ALK: variants seen among roughly 807,000 people sequenced by gnomAD.
The protein encoded by ALK is ALK receptor tyrosine kinase, also known as ALK tyrosine kinase receptor.
Under a neutral mutation model 163.1 loss-of-function variants are expected in ALK, and 74 were observed. That is an observed-to-expected ratio of 0.45 (90% CI 0.38 to 0.55). ALK has a LOEUF of 0.55. Ranked by LOEUF, ALK falls within the 20% of genes least tolerant of loss-of-function variation. The probability of loss-of-function intolerance (pLI) is 0.00; values close to 1 mark genes in which losing one functional copy is unlikely to be tolerated. For missense variants in ALK, 2,063 were observed against 2,105.3 expected (o/e 0.98, Z 0.39); for synonymous variants, 960 against 843.2 (o/e 1.14, Z -2.40).
intron 1 of ALK, among the ~76,000 whole-genome samples, chr2:29,822,314 A>C (rs541849726): frequency 1.1e-3 from 169 of 152,328 alleles, no homozygotes; most frequent in African/African-American, 3.6e-3. Flanking sequence ...AGTTTATAGG[A>C]TCAGCCTAGA....
intron 3 of ALK, among the ~76,000 whole-genome samples, chr2:29,572,582 A>T (rs1052899840): frequency 6.6e-6 from 1 of 152,052 alleles, no homozygotes; most frequent in Non-Finnish European, 1.5e-5. Flanking sequence ...TGGTTATTAT[A>T]TTCTCATAGC....
chr2:29,772,587 A>G (rs945712332), intron 1 of ALK, among the ~76,000 whole-genome samples: 10 of 152,196 alleles, frequency 6.6e-5, no homozygotes, highest in African/African-American at 2.4e-4. Context: ...ATGGCAAATC[A>G]AGAAACAGCA....
At chr2:29,433,900 C>G (rs1193628827) in intron 4 of ALK, among the ~76,000 whole-genome samples, 1 of 152,134 alleles carries the variant, frequency 6.6e-6, no homozygotes, top group African/African-American at 2.4e-5. Flanking sequence ...TCACATCCAT[C>G]CTGTCTGCAA....
intron 4 of ALK, among the ~76,000 whole-genome samples, chr2:29,449,679 C>T (rs1298436580): frequency 6.6e-6 from 1 of 152,204 alleles, no homozygotes; most frequent in African/African-American, 2.4e-5. Context: ...TGTTCTGTCC[C>T]CCATCGCCTC....
At chr2:29,538,303 T>C (rs931852888) in intron 3 of ALK, among the ~76,000 whole-genome samples, 1 of 152,144 alleles carries the variant, frequency 6.6e-6, no homozygotes, top group Non-Finnish European at 1.5e-5. Context: ...GATTGGATCA[T>C]GGGGGCAAAT....
chr2:29,288,956 AAAT>A (rs547471426), intron 9 of ALK, among the ~76,000 whole-genome samples: 1 of 20,858 alleles, frequency 4.8e-5, no homozygotes, highest in Admixed American at 6.9e-4. Context: ...CTTCTCAAAA[AAAT>A]AAATAAATAA....
intron 3 of ALK, among the ~76,000 whole-genome samples, chr2:29,665,898 T>C (rs1468565781): frequency 6.6e-6 from 1 of 152,108 alleles, no homozygotes; most frequent in East Asian, 1.9e-4. Context: ...AACCTCCTCT[T>C]GTTCCTGAGA....
intron 19 of ALK, among the ~76,000 whole-genome samples, chr2:29,225,223 A>C (rs571265157): frequency 3.9e-5 from 6 of 152,146 alleles, no homozygotes; most frequent in Non-Finnish European, 7.4e-5. Flanking sequence ...AGCCAGGAGG[A>C]TACACACGGG....
At chr2:29,831,192 GGGAAGGGGAAGGGGAAGA>G (rs1665396195) in intron 1 of ALK, among the ~76,000 whole-genome samples, 1 of 60,806 alleles carries the variant, frequency 1.6e-5, no homozygotes, top group Non-Finnish European at 3.2e-5. Flanking sequence ...GAAGGGGAAG[GGGAAGGGGAAGGGGAAGA>G]GGAAGAGGAA....
chr2:29,778,176 C>T (rs1165546318), intron 1 of ALK, among the ~76,000 whole-genome samples: 1 of 152,186 alleles, frequency 6.6e-6, no homozygotes, highest in Non-Finnish European at 1.5e-5. Flanking sequence ...GCATTCACAG[C>T]ACAGGAAACA....
In ALK at chr2:29,197,535, G is replaced by A. The variant is rs896724137; in HGVS notation, c.4073+7C>T. On this transcript the variant is annotated splice_region_variant and intron_variant, in intron 27 of 28. Coordinates refer to ENST00000389048, the MANE Select transcript of ALK (RefSeq NM_004304.5). ...AACTAGCAGAAGTGTTCCTAAAAGA[G>A]TCATACACAGGCCCAGGGCAGTTCT... is the stretch of plus-strand genomic sequence containing the variant. The A allele has an allele frequency of 2.5e-6, 4 of 1,613,236 alleles. No homozygotes were observed. The African/African-American group carries it at 5.3e-5, about 22-fold the overall frequency.
intron 4 of ALK, among the ~76,000 whole-genome samples, chr2:29,517,729 C>T (rs1672709478): frequency 6.6e-6 from 1 of 152,226 alleles, no homozygotes. Context: ...TGCTTTTTCA[C>T]CAGTTCCAGA....
At chr2:29,775,604 T>C (rs964220312) in intron 1 of ALK, among the ~76,000 whole-genome samples, 2 of 152,074 alleles carry the variant, frequency 1.3e-5, no homozygotes, top group African/African-American at 4.8e-5. Context: ...TTTATACCTT[T>C]AGGGCAGTGC....
At chr2:29,504,191 C>G (rs1363346639) in intron 4 of ALK, among the ~76,000 whole-genome samples, 1 of 151,936 alleles carries the variant, frequency 6.6e-6, no homozygotes, top group African/African-American at 2.4e-5. Context: ...GAAGGTGTTG[C>G]ATGCTAGGGA....
intron 1 of ALK, among the ~76,000 whole-genome samples, chr2:29,893,338 T>C (rs1192112964): frequency 6.6e-6 from 1 of 152,208 alleles, no homozygotes; most frequent in Non-Finnish European, 1.5e-5. Context: ...CTTTTTCTCA[T>C]TGCTCTGACT....
In ALK at chr2:29,286,849, G is replaced by T. The variant is rs4666191; in HGVS notation, c.1817+10039C>A. 6 of 152,044 alleles carry T rather than the reference G, an allele frequency of 3.9e-5. No individual in the cohort carries two copies. The East Asian group carries it at 1.2e-3, about 29-fold the overall frequency. The allele number at this position is 152,044 out of a possible 1,614,324, so 9.4% of individuals were successfully genotyped here. A position where few individuals can be genotyped will look rare whatever the true frequency, so the allele number is the denominator to read the frequency against. On this transcript the variant is annotated intron_variant, in intron 9 of 28. Transcript: ENST00000389048. Reference sequence around the variant, plus strand: ...GCTCAGCATAGCTAAATGAAGAAGAGACATTCTCAAGTGACACTCTGATAG... The same window carrying T: ...GCTCAGCATAGCTAAATGAAGAAGATACATTCTCAAGTGACACTCTGATAG...
chr2:29,502,851 T>A (rs1361113863), intron 4 of ALK, among the ~76,000 whole-genome samples: 1 of 152,196 alleles, frequency 6.6e-6, no homozygotes, highest in Non-Finnish European at 1.5e-5. Context: ...GGTGAGGGAA[T>A]CATTCAGCCG....
intron 4 of ALK, among the ~76,000 whole-genome samples, chr2:29,495,031 C>G (rs1671992094): frequency 6.6e-6 from 1 of 152,202 alleles, no homozygotes; most frequent in Non-Finnish European, 1.5e-5. Context: ...ACCCAAGATG[C>G]TAGCATGTTC....
At chr2:29,506,730 A>G (rs1672336184) in intron 4 of ALK, among the ~76,000 whole-genome samples, 1 of 150,334 alleles carries the variant, frequency 6.7e-6, no homozygotes, top group African/African-American at 2.5e-5. Context: ...TGGGTGACGG[A>G]GCAAGACTCC....
Sources: allele counts gnomAD v4.1 joint callset (sites outside exome capture counted in the v4.1 genomes callset), GRCh38; gene constraint gnomAD v4.1.1; transcripts MANE v1.5; gene names NCBI Gene and HGNC (gene_info 2026-07-23, HGNC 2026-07-21).